The following ASTN1 variants were observed in gnomAD, a reference collection of about 807,000 sequenced individuals.
The protein encoded by ASTN1 is astrotactin 1, also known as astrotactin-1.
A neutral mutation model predicts 140.7 loss-of-function variants in ASTN1; 41 were observed. That is an observed-to-expected ratio of 0.29 (90% CI 0.23 to 0.38). The LOEUF (loss-of-function observed/expected upper bound fraction) is 0.38. Among genes scored for constraint, ASTN1 ranks in the 10% least tolerant of loss-of-function variants. The pLI is 1.00. For missense variants in ASTN1, 1,479 were observed against 1,678.8 expected, an observed-to-expected ratio of 0.88 and a Z score of 2.08; for synonymous variants, 640 against 652.2, an observed-to-expected ratio of 0.98 and a Z score of 0.29.
intron 5 of ASTN1, chr1:177,029,265 G>C (rs1676296459): frequency 2.1e-6 from 1 of 471,582 alleles, no homozygotes; most frequent in African/African-American, 2.0e-5. Flanking sequence ...GAGGAAGCAG[G>C]GGTACATATA....
At chr1:177,006,748 A>G (rs1207477684) in intron 8 of ASTN1, among the ~76,000 whole-genome samples, 3 of 152,150 alleles carry the variant, frequency 2.0e-5, no homozygotes, top group African/African-American at 7.2e-5. Context: ...TGGTGCCGTG[A>G]CTGGACTAGT....
intron 1 of ASTN1, among the ~76,000 whole-genome samples, chr1:177,104,891 T>G (rs1363526952): frequency 2.0e-5 from 3 of 152,224 alleles, no homozygotes; most frequent in African/African-American, 7.2e-5. Context: ...CACAGTCCTC[T>G]GGGCCTTACT....
intron 1 of ASTN1, among the ~76,000 whole-genome samples, chr1:177,120,237 A>G (rs1270436029): frequency 6.6e-6 from 1 of 152,196 alleles, no homozygotes; most frequent in East Asian, 1.9e-4. Context: ...TGCAACAATC[A>G]CACTCACCTT....
intron 11 of ASTN1, among the ~76,000 whole-genome samples, chr1:176,951,829 A>G (rs955235901): frequency 1.3e-5 from 2 of 152,238 alleles, no homozygotes; most frequent in African/African-American, 4.8e-5. Flanking sequence ...AAAGCCAAAA[A>G]TAGTATTAAT....
intron 16 of ASTN1, among the ~76,000 whole-genome samples, chr1:176,932,746 C>G (rs1035964168): frequency 3.3e-5 from 5 of 152,152 alleles, no homozygotes; most frequent in Non-Finnish European, 5.9e-5. Context: ...AGTATTTAAC[C>G]TTAAGGACAC....
chr1:177,115,381 A>G (rs1215978049), intron 1 of ASTN1, among the ~76,000 whole-genome samples: 1 of 152,150 alleles, frequency 6.6e-6, no homozygotes, highest in Non-Finnish European at 1.5e-5. Context: ...ATAATTTTAT[A>G]ATCATGAATG....
chr1:176,926,394 G>T (rs564610207), intron 16 of ASTN1, among the ~76,000 whole-genome samples: 2 of 152,100 alleles, frequency 1.3e-5, no homozygotes, highest in East Asian at 3.9e-4. Context: ...CAGAGCCTAG[G>T]GACCTGGAGA....
intron 22 of ASTN1, among the ~76,000 whole-genome samples, chr1:176,868,239 T>C (rs1202515176): frequency 6.6e-6 from 1 of 152,196 alleles, no homozygotes; most frequent in African/African-American, 2.4e-5. Context: ...ATTCTTCTCA[T>C]TTCTTACTTT....
intron 5 of ASTN1, among the ~76,000 whole-genome samples, chr1:177,025,247 G>A (rs932819163): frequency 1.5e-4 from 23 of 152,264 alleles, no homozygotes; most frequent in African/African-American, 5.5e-4. Flanking sequence ...CTCTTACTCT[G>A]TGGGACCTGG....
At chr1:177,016,133 G>A (rs899166344) in intron 7 of ASTN1, among the ~76,000 whole-genome samples, 5 of 152,106 alleles carry the variant, frequency 3.3e-5, no homozygotes, top group African/African-American at 1.2e-4. Flanking sequence ...AGTTAAGGGG[G>A]AAGGTATTGG....
chr1:176,971,433 A>G (rs1673135772), intron 8 of ASTN1, among the ~76,000 whole-genome samples: 1 of 152,204 alleles, frequency 6.6e-6, no homozygotes, highest in South Asian at 2.1e-4. Flanking sequence ...ATGAATAATG[A>G]TGCCTAAAGT....
intron 17 of ASTN1, 39 bp from the exon 18 acceptor site, chr1:176,888,243 G>C (rs1317064115): frequency 1.9e-6 from 3 of 1,609,722 alleles, no homozygotes; most frequent in African/African-American, 2.7e-5. Flanking sequence ...GTGTTGAGAA[G>C]CCAGGGCTAG....
intron 1 of ASTN1, among the ~76,000 whole-genome samples, chr1:177,140,602 T>A (rs1250700913): frequency 6.6e-6 from 1 of 152,194 alleles, no homozygotes; most frequent in Middle Eastern, 3.2e-3. Context: ...TCATTGGGTG[T>A]CCATGTGTGT....
chr1:177,120,081 T>C (rs1340356528), intron 1 of ASTN1, among the ~76,000 whole-genome samples: 1 of 152,224 alleles, frequency 6.6e-6, no homozygotes, highest in Non-Finnish European at 1.5e-5. Flanking sequence ...TGTTCCACTC[T>C]ACACAAAATG....
At chr1:176,943,466 C>T (rs1195063103) in intron 14 of ASTN1, among the ~76,000 whole-genome samples, 2 of 152,122 alleles carry the variant, frequency 1.3e-5, no homozygotes, top group East Asian at 3.9e-4. Context: ...GACAACAAAA[C>T]TGTCATTTTC....
At position 177,001,279 on chromosome 1, in the gene ASTN1, T is replaced by A. The variant is rs565516235; in HGVS notation, c.1523+13512A>T. 5.9e-5 allele frequency among the ~76,000 whole-genome samples: 9 copies of A among 152,312 alleles called. No homozygotes were observed. In the South Asian group the frequency reaches 1.9e-3, roughly 32 times the overall value. On this transcript the variant is annotated intron_variant, in intron 8 of 22. Coordinates refer to ENST00000361833, the MANE Select transcript of ASTN1 (RefSeq NM_004319.3). ...CTTCATGGAATTTACATTCTAGAAG[T>A]AGGTTACTCTAAACTCAAATGCCAA...
At chr1:176,928,350 A>G (rs1430683087) in intron 16 of ASTN1, among the ~76,000 whole-genome samples, 1 of 152,212 alleles carries the variant, frequency 6.6e-6, no homozygotes, top group Non-Finnish European at 1.5e-5. Flanking sequence ...CTGCATTTTG[A>G]TTACTTTAAA....
chr1:176,883,053 G>A, intron 19 of ASTN1, 59 bp from the exon 20 acceptor site: 2 of 1,598,540 alleles, frequency 1.3e-6, no homozygotes, highest in African/African-American at 2.7e-5. Context: ...AAGCAATGAG[G>A]AGATGGAGTC....
intron 1 of ASTN1, among the ~76,000 whole-genome samples, chr1:177,083,616 C>G (rs1439939313): frequency 2.0e-5 from 3 of 152,118 alleles, no homozygotes; most frequent in African/African-American, 7.2e-5. Context: ...GAATAAAATA[C>G]TTTTCCTCTT....
Sources: allele counts gnomAD v4.1 joint callset (sites outside exome capture counted in the v4.1 genomes callset), GRCh38; gene constraint gnomAD v4.1.1; transcripts MANE v1.5; gene names NCBI Gene and HGNC (gene_info 2026-07-23, HGNC 2026-07-21).